Variants in PTPRD observed in about 807,000 individuals in gnomAD.
PTPRD encodes receptor-type tyrosine-protein phosphatase delta.
A neutral mutation model predicts 214.5 loss-of-function variants in PTPRD; 34 were observed. That is an observed-to-expected ratio of 0.16 (90% confidence interval 0.12 to 0.21). The LOEUF is 0.21. Among genes scored for constraint, PTPRD ranks in the 10% least tolerant of loss-of-function variants. PTPRD has a pLI of 1.00. For missense variants in PTPRD, 2,545 were observed against 2,398.7 expected, an observed-to-expected ratio of 1.06 and a Z score of -1.27; for synonymous variants, 1,128 against 845.7, an observed-to-expected ratio of 1.33 and a Z score of -5.79.
chr9:9,194,772 A>C (rs954444444), intron 9 of PTPRD, among the ~76,000 whole-genome samples: 1 of 152,112 alleles, frequency 6.6e-6, no homozygotes, highest in Non-Finnish European at 1.5e-5. Flanking sequence ...ATTGCATATT[A>C]TCTCTTAATA....
At chr9:9,665,123 G>GGA (rs1456653037) in intron 7 of PTPRD, among the ~76,000 whole-genome samples, 3 of 151,470 alleles carry the variant, frequency 2.0e-5, no homozygotes, top group South Asian at 2.1e-4. Context: ...GTGTATGTGG[G>GGA]GAGAGAGAGA....
At chr9:9,284,711 A>T (rs1192458502) in intron 9 of PTPRD, among the ~76,000 whole-genome samples, 3 of 151,746 alleles carry the variant, frequency 2.0e-5, no homozygotes, top group Admixed American at 1.3e-4. Context: ...CCTTTTAGAG[A>T]AAAGTGTCCT....
chr9:8,858,838 CACAG>C (rs749333445), intron 11 of PTPRD, among the ~76,000 whole-genome samples: 3,737 of 132,370 alleles, frequency 0.028, 90 homozygotes, highest in South Asian at 0.065. Context: ...CATACACACA[CACAG>C]ACACACAGAC....
At chr9:8,340,970 A>AATG in intron 41 of PTPRD, 120 bp downstream of exon 41, 1 of 1,010,238 alleles carries the variant, frequency 9.9e-7, no homozygotes, top group Non-Finnish European at 1.4e-6. Context: ...CAAGGGACTA[A>AATG]ATGATGACCT....
intron 14 of PTPRD, among the ~76,000 whole-genome samples, chr9:8,632,499 G>A (rs1595711106): frequency 6.6e-6 from 1 of 152,016 alleles, no homozygotes; most frequent in East Asian, 1.9e-4. Context: ...AATGAGTTGT[G>A]TGAGGGAGAG....
At chr9:9,494,004 A>G (rs1455216339) in intron 8 of PTPRD, among the ~76,000 whole-genome samples, 1 of 152,136 alleles carries the variant, frequency 6.6e-6, no homozygotes, top group Non-Finnish European at 1.5e-5. Context: ...TTGGAAGATT[A>G]TTCCAATCCT....
At chr9:9,347,538 C>T (rs2049334662) in intron 9 of PTPRD, among the ~76,000 whole-genome samples, 1 of 151,966 alleles carries the variant, frequency 6.6e-6, no homozygotes, top group Non-Finnish European at 1.5e-5. Context: ...GTGGGTGTTT[C>T]TGTTTCACTT....
At chr9:8,659,365 T>G (rs907196709) in intron 12 of PTPRD, among the ~76,000 whole-genome samples, 2 of 152,192 alleles carry the variant, frequency 1.3e-5, no homozygotes, top group African/African-American at 4.8e-5. Context: ...AGGCAACAAT[T>G]CCATATTTTA....
In PTPRD at chr9:9,169,789, A is replaced by G. The variant is rs2099911059; in HGVS notation, c.-143+13515T>C. ...CATCTGTAGTCTAAGGACTCAGAGCATAGGTGTGCCCAATCCAAAGAAAAC... is the reference window on the plus strand; with the variant it reads ...CATCTGTAGTCTAAGGACTCAGAGCGTAGGTGTGCCCAATCCAAAGAAAAC... On this transcript the variant is annotated intron_variant, in intron 10 of 45. Transcript: ENST00000381196. 3.3e-5 allele frequency among the ~76,000 whole-genome samples: 5 copies of G among 152,212 alleles called. No individual in the cohort carries two copies. The East Asian group carries it at 9.6e-4, about 29-fold the overall frequency.
intron 24 of PTPRD, among the ~76,000 whole-genome samples, chr9:8,500,280 CT>C (rs1252332933): frequency 6.6e-6 from 1 of 151,752 alleles, no homozygotes; most frequent in Non-Finnish European, 1.5e-5. Context: ...ATTATCTTCT[CT>C]TTTTTTCTCA....
intron 2 of PTPRD, among the ~76,000 whole-genome samples, chr9:10,566,095 G>C (rs1333924679): frequency 2.0e-5 from 3 of 151,766 alleles, no homozygotes; most frequent in African/African-American, 7.2e-5. Context: ...CATCAATTTT[G>C]TTGGGAGTCA....
At chr9:8,390,511 G>C (rs983705117) in intron 36 of PTPRD, among the ~76,000 whole-genome samples, 20 of 151,528 alleles carry the variant, frequency 1.3e-4, no homozygotes, top group Non-Finnish European at 2.5e-4. Context: ...TTATACTACT[G>C]ATTAAGGTTG....
chr9:9,313,999 G>C (rs531029213), intron 9 of PTPRD, among the ~76,000 whole-genome samples: 1 of 152,180 alleles, frequency 6.6e-6, no homozygotes, highest in East Asian at 1.9e-4. Flanking sequence ...CATTTAGCTA[G>C]TTAAATGAGC....
chr9:9,287,218 C>CT (rs1286628942), intron 9 of PTPRD, among the ~76,000 whole-genome samples: 1 of 151,544 alleles, frequency 6.6e-6, no homozygotes, highest in Non-Finnish European at 1.5e-5. Flanking sequence ...GAACAAGACT[C>CT]TGTCATCCCA....
At chr9:8,932,847 C>G (rs2098962494) in intron 11 of PTPRD, among the ~76,000 whole-genome samples, 1 of 151,998 alleles carries the variant, frequency 6.6e-6, no homozygotes, top group African/African-American at 2.4e-5. Context: ...CACTTGGCTC[C>G]CTGGCTTCCG....
rs552778709 is a variant in PTPRD, at chr9:8,582,847, G to C, written c.352+50470C>G. Among the ~76,000 whole-genome samples, 4 of 152,222 alleles carry C rather than the reference G, an allele frequency of 2.6e-5. No individual in the cohort carries two copies. The South Asian group carries it at 8.3e-4, about 32-fold the overall frequency. ...ATATGTGGCAAAGTTGGTGGGCTTT[G>C]TTTTGTTTTTTGCTATTTAATTCAG... On this transcript the variant is annotated intron_variant, in intron 14 of 45. Transcript: ENST00000381196.
chr9:8,429,627 G>C (rs2031217), intron 35 of PTPRD, among the ~76,000 whole-genome samples: 92,096 of 151,840 alleles, frequency 0.61, 28,450 homozygotes, highest in East Asian at 0.74. Context: ...ATATAAAAGG[G>C]TCATTATCAT....
intron 11 of PTPRD, among the ~76,000 whole-genome samples, chr9:8,823,114 GC>G (rs1292539620): frequency 6.6e-6 from 1 of 152,050 alleles, no homozygotes; most frequent in African/African-American, 2.4e-5. Flanking sequence ...TCTTCTTGAA[GC>G]CCTCTTCTCT....
chr9:10,543,371 G>A (rs940546324), intron 2 of PTPRD, among the ~76,000 whole-genome samples: 1 of 152,120 alleles, frequency 6.6e-6, no homozygotes, highest in African/African-American at 2.4e-5. Context: ...TGACTGCTAA[G>A]AGTTCTTTGC....
Sources: gnomAD v4.1 joint callset for allele counts (sites outside exome capture counted in the v4.1 genomes callset) on GRCh38, gnomAD v4.1.1 for gene constraint, MANE v1.5 for transcripts, NCBI Gene and HGNC (gene_info 2026-07-23, HGNC 2026-07-21) for gene names.